RNF187: variants seen among roughly 807,000 people sequenced by gnomAD.
RNF187 encodes the protein E3 ubiquitin-protein ligase RNF187.
RNF187 carries 18 observed loss-of-function variants against 22.2 expected under a neutral mutation model. The ratio of observed to expected loss-of-function variants is 0.81; its 90% CI spans 0.56 to 1.20. The LOEUF (loss-of-function observed/expected upper bound fraction) is 1.20, where lower values mean the gene tolerates loss of function less well. RNF187 is among the 50% of genes most tolerant of loss of function. RNF187 has a pLI of 0.00. For synonymous variants in RNF187, 164 were observed against 140.9 expected, an observed-to-expected ratio of 1.16 and a Z score of -1.16; for missense variants, 329 against 317.6, an observed-to-expected ratio of 1.04 and a Z score of -0.27.
Position 228,494,564 on chromosome 1 carries a change from CTG to C in RNF187, c.*681_*682del. 3 of 985,818 alleles carry C rather than the reference CTG, an allele frequency of 3.0e-6. No individual in the cohort carries two copies. Among genetic ancestry groups the C allele is most frequent in the Non-Finnish European group, 3.6e-6 (3 of 830,338 alleles). 61.1% of individuals were successfully genotyped at this position (985,818 alleles called of 1,614,324 possible). On this transcript the variant is annotated 3_prime_UTR_variant, in exon 4 of 4. Coordinates refer to ENST00000305943, the MANE Select transcript of RNF187 (RefSeq NM_001010858.3). ...CCTCCGCAGAAGGAAGCCTCTTTCTCTGTTTCCCTGGGTGAGGGGGCTGGCAG... is the reference window on the plus strand; with the variant it reads ...CCTCCGCAGAAGGAAGCCTCTTTCTCTTTCCCTGGGTGAGGGGGCTGGCAG...
Position 228,492,904 on chromosome 1 carries a change from T to C in RNF187, c.484-149T>C. ...TCCTGGAGTGCTGGGATTACAAGCGTGAGCCACTGTGCCTGGCCTAATAGT... is the reference window on the plus strand; with the variant it reads ...TCCTGGAGTGCTGGGATTACAAGCGCGAGCCACTGTGCCTGGCCTAATAGT... On this transcript the variant is annotated intron_variant, in intron 2 of 3. Transcript: ENST00000305943. 9.3e-6 allele frequency: 8 copies of C among 857,852 alleles called. No homozygotes were observed. The African/African-American group carries it at 1.4e-4, about 15-fold the overall frequency. 53.1% of individuals were successfully genotyped at this position (857,852 alleles called of 1,614,324 possible).
At chr1:228,488,752 C>T in intron 1 of RNF187, among the ~76,000 whole-genome samples, 1 of 152,232 alleles carries the variant, frequency 6.6e-6, no homozygotes, top group Admixed American at 6.5e-5. Context: ...TCCCCTTAGC[C>T]CCAGCACCCA....
In RNF187 at chr1:228,493,955, A is replaced by G; in HGVS notation, c.*70A>G. ...GATCCTCATCTCCATGGGAAGTGTC[A>G]GCGTGTGGCTGCCAGGGAAGCGTGG... On this transcript the variant is annotated 3_prime_UTR_variant, in exon 4 of 4. Transcript: ENST00000305943. The surrounding 1 kb of genome is among the most constrained non-coding windows in gnomAD (Gnocchi z 4.7). 1 of 1,551,656 alleles carries G rather than the reference A, an allele frequency of 6.4e-7. No homozygotes were observed. Among genetic ancestry groups the G allele is most frequent in the Non-Finnish European group, 8.7e-7 (1 of 1,146,954 alleles).
chr1:228,491,102 A>G, intron 2 of RNF187, among the ~76,000 whole-genome samples: 1 of 152,014 alleles, frequency 6.6e-6, no homozygotes, highest in Non-Finnish European at 1.5e-5. Flanking sequence ...AGCTAAACTA[A>G]CAGGGTCAGG....
Position 228,494,103 on chromosome 1 carries a change from C to T in RNF187, c.*218C>T. ...CCCGGTAGAGGCTGGACCTGAGGAC[C>T]CTTCCCACCTGTGCCCGTCCCTTCC... On this transcript the variant is annotated 3_prime_UTR_variant, in exon 4 of 4. Coordinates refer to ENST00000305943, the MANE Select transcript of RNF187 (RefSeq NM_001010858.3). The T allele has an allele frequency of 1.3e-5, 19 of 1,457,556 alleles. No individual in the cohort carries two copies. Among genetic ancestry groups the T allele is most frequent in the Middle Eastern group, 4.9e-4 (2 of 4,082 alleles). The allele number at this position is 1,457,556 out of a possible 1,614,324, so 90.3% of individuals were successfully genotyped here.
chr1:228,494,121 T>C lies in RNF187; in HGVS notation c.*236T>C. 6.9e-7 allele frequency: 1 copy of C among 1,439,018 alleles called. No individual in the cohort carries two copies. The highest frequency in any genetic ancestry group is 9.1e-7 in the Non-Finnish European group (1 of 1,097,554). The allele number at this position is 1,439,018 out of a possible 1,614,324, so 89.1% of individuals were successfully genotyped here. A position where few individuals can be genotyped will look rare whatever the true frequency, so the allele number is the denominator to read the frequency against. ...TGAGGACCCTTCCCACCTGTGCCCGTCCCTTCCTGAAGTCCTAGCCACAGC... is the reference window on the plus strand; with the variant it reads ...TGAGGACCCTTCCCACCTGTGCCCGCCCCTTCCTGAAGTCCTAGCCACAGC... On this transcript the variant is annotated 3_prime_UTR_variant, in exon 4 of 4. Coordinates refer to ENST00000305943, the MANE Select transcript of RNF187 (RefSeq NM_001010858.3).
Position 228,495,215 on chromosome 1 carries a change from CTG to C in RNF187, c.*1333_*1334del. ...GTATAGGGTCCATGGGTGGGAATGACTGTGAGGAGACATCAGGGCTGAGGGGG... is the reference window on the plus strand; with the variant it reads ...GTATAGGGTCCATGGGTGGGAATGACTGAGGAGACATCAGGGCTGAGGGGG... On this transcript the variant is annotated 3_prime_UTR_variant, in exon 4 of 4. Transcript: ENST00000305943. 9.9e-4 allele frequency: 244 copies of C among 247,298 alleles called. No homozygotes were observed. The highest frequency in any genetic ancestry group is 5.4e-3 in the African/African-American group (233 of 43,194). 15.3% of individuals were successfully genotyped at this position (247,298 alleles called of 1,614,324 possible). A position where few individuals can be genotyped will look rare whatever the true frequency, so the allele number is the denominator to read the frequency against.
chr1:228,495,215 C>A lies in RNF187; in HGVS notation c.*1330C>A. ...GTATAGGGTCCATGGGTGGGAATGA[C>A]TGTGAGGAGACATCAGGGCTGAGGG... On this transcript the variant is annotated 3_prime_UTR_variant, in exon 4 of 4. Coordinates refer to ENST00000305943, the MANE Select transcript of RNF187 (RefSeq NM_001010858.3). The A allele has an allele frequency of 4.0e-6, 1 of 247,296 alleles. No homozygotes were observed. The highest frequency in any genetic ancestry group is 6.4e-6 in the Non-Finnish European group (1 of 155,166). The allele number at this position is 247,296 out of a possible 1,614,324, so 15.3% of individuals were successfully genotyped here.
intron 2 of RNF187, among the ~76,000 whole-genome samples, chr1:228,490,907 A>T: frequency 3.3e-5 from 5 of 152,306 alleles, no homozygotes; most frequent in Admixed American, 1.3e-4. Context: ...TCCTGCCCTG[A>T]CAGTCACGTG....
In RNF187 at chr1:228,495,028, T is replaced by G; in HGVS notation, c.*1143T>G. 1 of 985,662 alleles carries G rather than the reference T, an allele frequency of 1.0e-6. No homozygotes were observed. The highest frequency in any genetic ancestry group is 1.2e-6 in the Non-Finnish European group (1 of 830,136). The allele number at this position is 985,662 out of a possible 1,614,324, so 61.1% of individuals were successfully genotyped here. ...CCTCTTCCCCCTGCCCTGGCCACCC[T>G]CCAGTGTCAAAGGAAACTTCCTCGT... is the stretch of plus-strand genomic sequence containing the variant. On this transcript the variant is annotated 3_prime_UTR_variant, in exon 4 of 4. Transcript: ENST00000305943.
Position 228,494,923 on chromosome 1 carries a change from C to T in RNF187, c.*1038C>T. 8 of 985,334 alleles carry T rather than the reference C, an allele frequency of 8.1e-6. No individual in the cohort carries two copies. The highest frequency in any genetic ancestry group is 9.6e-6 in the Non-Finnish European group (8 of 829,988). The allele number at this position is 985,334 out of a possible 1,614,324, so 61.0% of individuals were successfully genotyped here. A position where few individuals can be genotyped will look rare whatever the true frequency, so the allele number is the denominator to read the frequency against. On this transcript the variant is annotated 3_prime_UTR_variant, in exon 4 of 4. Coordinates refer to ENST00000305943, the MANE Select transcript of RNF187 (RefSeq NM_001010858.3). The stretch of plus-strand genomic sequence containing the variant: ...GTGCGATGTCTGTGAGTTTGACCTG[C>T]CCAGCGTGTGGGCTGGCTCAATGCT...
In RNF187 at chr1:228,496,007, A is replaced by T; in HGVS notation, c.*2122A>T. ...GTGGGACAGTCAGATACAGAGGGCC[A>T]ACTGCGTACAGTACACGGTTATCAG... is the stretch of plus-strand genomic sequence containing the variant. On this transcript the variant is annotated 3_prime_UTR_variant, in exon 4 of 4. Coordinates refer to ENST00000305943, the MANE Select transcript of RNF187 (RefSeq NM_001010858.3). Among the ~76,000 whole-genome samples, 6 of 152,230 alleles carry T rather than the reference A, an allele frequency of 3.9e-5. No homozygotes were observed. The highest frequency in any genetic ancestry group is 1.4e-4 in the African/African-American group (6 of 41,460).
intron 2 of RNF187, among the ~76,000 whole-genome samples, chr1:228,491,858 T>TA: frequency 2.0e-5 from 3 of 152,196 alleles, no homozygotes; most frequent in African/African-American, 7.2e-5. Flanking sequence ...TAGCCACTTG[T>TA]AAAAAAGCAA....
At chr1:228,492,712 C>T in intron 2 of RNF187, among the ~76,000 whole-genome samples, 2 of 144,936 alleles carry the variant, frequency 1.4e-5, no homozygotes, top group East Asian at 2.1e-4. Flanking sequence ...CTGCAACCTC[C>T]GCCTCCTGGA....
Position 228,494,486 on chromosome 1 carries a change from T to G in RNF187, c.*601T>G. ...GTCGCTCTGTCCACCTCCCCCTTCC[T>G]GGCCCCCACCCCACTCCTGTGCCTC... On this transcript the variant is annotated 3_prime_UTR_variant, in exon 4 of 4. Transcript: ENST00000305943. 1.0e-6 allele frequency: 1 copy of G among 985,536 alleles called. No homozygotes were observed. Among genetic ancestry groups the G allele is most frequent in the Non-Finnish European group, 1.2e-6 (1 of 829,668 alleles). The allele number at this position is 985,536 out of a possible 1,614,324, so 61.0% of individuals were successfully genotyped here.
Position 228,494,599 on chromosome 1 carries a change from AC to A in RNF187, c.*718del. The stretch of plus-strand genomic sequence containing the variant: ...GGGTGAGGGGGCTGGCAGGTGGCTA[AC>A]CCCATTTAGCATCTCCAGGCCCTGC... On this transcript the variant is annotated 3_prime_UTR_variant, in exon 4 of 4. Transcript: ENST00000305943. 3.8e-5 allele frequency: 37 copies of A among 985,402 alleles called. No individual in the cohort carries two copies. The South Asian group carries it at 1.2e-3, about 33-fold the overall frequency. The allele number at this position is 985,402 out of a possible 1,614,324, so 61.0% of individuals were successfully genotyped here. A position where few individuals can be genotyped will look rare whatever the true frequency, so the allele number is the denominator to read the frequency against.
In RNF187 at chr1:228,494,474, C is replaced by T; in HGVS notation, c.*589C>T. ...AGCCTTATCCAAGTCGCTCTGTCCA[C>T]CTCCCCCTTCCTGGCCCCCACCCCA... On this transcript the variant is annotated 3_prime_UTR_variant, in exon 4 of 4. Transcript: ENST00000305943. The T allele has an allele frequency of 2.6e-5, 26 of 987,250 alleles. No homozygotes were observed. The highest frequency in any genetic ancestry group is 3.1e-5 in the Non-Finnish European group (26 of 831,106). The allele number at this position is 987,250 out of a possible 1,614,324, so 61.2% of individuals were successfully genotyped here.
In RNF187 at chr1:228,488,733, C is replaced by T; in HGVS notation, c.391-227C>T. Among the ~76,000 whole-genome samples, 890 of 152,362 alleles carry T rather than the reference C, an allele frequency of 5.8e-3. 6 individuals are homozygous for T. The highest frequency in any genetic ancestry group is 9.2e-3 in the Admixed American group (141 of 15,308). On this transcript the variant is annotated intron_variant, in intron 1 of 3. Coordinates refer to ENST00000305943, the MANE Select transcript of RNF187 (RefSeq NM_001010858.3). ...TACAGACACAGAACTCCTAAACCCA[C>T]CTAGACAGTCCCCTTAGCCCCAGCA...
At position 228,489,550 on chromosome 1, in the gene RNF187, T is replaced by G; in HGVS notation, c.483+498T>G. Among the ~76,000 whole-genome samples the G allele has an allele frequency of 7.5e-4, 114 of 152,314 alleles. 1 individual carries two copies. Among genetic ancestry groups the G allele is most frequent in the East Asian group, 5.2e-3 (27 of 5,192 alleles). On this transcript the variant is annotated intron_variant, in intron 2 of 3. Coordinates refer to ENST00000305943, the MANE Select transcript of RNF187 (RefSeq NM_001010858.3). ...CCTGACCTTAAGCGGTTCTCCCGCC[T>G]TGGCCTCCCAAAGTGCTATTTTTTT... is the stretch of plus-strand genomic sequence containing the variant.
Sources: allele counts gnomAD v4.1 joint callset (sites outside exome capture counted in the v4.1 genomes callset), GRCh38; gene constraint gnomAD v4.1.1; non-coding constraint Gnocchi (gnomAD v3.1); transcripts MANE v1.5; gene names NCBI Gene and HGNC (gene_info 2026-07-23, HGNC 2026-07-21).